Variants in SPAST observed in about 807,000 individuals in gnomAD.
SPAST encodes the protein spastic paraplegia 4 (autosomal dominant; spastin).
Under a neutral mutation model 76.6 loss-of-function variants are expected in SPAST, and 30 were observed. The observed-to-expected ratio is 0.39, with a 90% CI of 0.29 to 0.53. The LOEUF (loss-of-function observed/expected upper bound fraction) is 0.53. SPAST is among the 20% of genes least tolerant of loss of function. The probability of loss-of-function intolerance (pLI) is 0.68; values close to 1 mark genes in which losing one functional copy is unlikely to be tolerated. For synonymous variants in SPAST, 305 were observed against 281.0 expected (o/e 1.09, Z -0.86); for missense variants, 717 against 770.5 (o/e 0.93, Z 0.82).
chr2:32,110,046 A>G (rs566438127), intron 4 of SPAST, among the ~76,000 whole-genome samples: 1 of 148,342 alleles, frequency 6.7e-6, no homozygotes, highest in Non-Finnish European at 1.5e-5. Flanking sequence ...TATATAAACT[A>G]TATGTATACA....
chr2:32,145,352 C>G (rs1485024393), intron 15 of SPAST, among the ~76,000 whole-genome samples: 1 of 152,166 alleles, frequency 6.6e-6, no homozygotes. Context: ...CTGCCTTGGC[C>G]TCCCAAAGTG....
chr2:32,115,632 A>G, intron 5 of SPAST, 70 bp from the exon 6 acceptor site: 1 of 1,192,724 alleles, frequency 8.4e-7, no homozygotes, highest in Non-Finnish European at 1.2e-6. Flanking sequence ...GTGAACTTTA[A>G]GGTTAACTTA....
Position 32,079,936 on chromosome 2 carries a change from T to C in SPAST, c.416-7556T>C, listed in dbSNP as rs369727311. Among the ~76,000 whole-genome samples, 16 of 152,136 alleles carry C rather than the reference T, an allele frequency of 1.1e-4. 1 individual carries two copies. The highest frequency in any genetic ancestry group is 9.2e-4 in the Admixed American group (14 of 15,238). On this transcript the variant is annotated intron_variant, in intron 1 of 16. Transcript: ENST00000315285. ...TGTTTAAGTCCCGGCTTTCAATACT[T>C]TTGGATATATACCTAGGAGTAGAAT... is the stretch of plus-strand genomic sequence containing the variant.
At position 32,065,084 on chromosome 2, in the gene SPAST, G is replaced by C. The variant is rs572136919; in HGVS notation, c.415+838G>C. 1.1e-4 allele frequency among the ~76,000 whole-genome samples: 17 copies of C among 151,570 alleles called. No individual in the cohort carries two copies. In the South Asian group the frequency reaches 3.5e-3, roughly 32 times the overall value. On this transcript the variant is annotated intron_variant, in intron 1 of 16. Coordinates refer to ENST00000315285, the MANE Select transcript of SPAST (RefSeq NM_014946.4). ...GCCCAAGCTGGAGTGCAATGGTGCAGTCTCGGCTCACTGCAACCTCCGACT... is the reference window on the plus strand; with the variant it reads ...GCCCAAGCTGGAGTGCAATGGTGCACTCTCGGCTCACTGCAACCTCCGACT...
chr2:32,121,730 G>C (rs936786359), intron 7 of SPAST, among the ~76,000 whole-genome samples: 3 of 151,452 alleles, frequency 2.0e-5, no homozygotes, highest in African/African-American at 7.3e-5. Flanking sequence ...TTTTAGTAGA[G>C]ACGGAGTTTC....
chr2:32,137,648 G>C (rs1336752434), intron 12 of SPAST, among the ~76,000 whole-genome samples: 1 of 152,172 alleles, frequency 6.6e-6, no homozygotes, highest in Non-Finnish European at 1.5e-5. Flanking sequence ...ATTGTTTCTA[G>C]ATTGGCTGTA....
intron 8 of SPAST, chr2:32,128,122 G>T (rs1227666784): frequency 5.5e-6 from 2 of 364,224 alleles, no homozygotes; most frequent in Admixed American, 4.2e-5. Flanking sequence ...AGCTTCCTGA[G>T]TAGCTGGGAT....
intron 3 of SPAST, 115 bp downstream of exon 3, chr2:32,089,720 C>A: frequency 2.9e-6 from 2 of 692,452 alleles, no homozygotes; most frequent in Non-Finnish European, 2.6e-6. Flanking sequence ...GGCTTTTTAA[C>A]ATAAAGAAAA....
At chr2:32,151,978 T>G (rs763247458) in intron 16 of SPAST, among the ~76,000 whole-genome samples, 20 of 152,084 alleles carry the variant, frequency 1.3e-4, no homozygotes, top group Admixed American at 3.3e-4. Flanking sequence ...TTCAAATAAT[T>G]GGTTTGGAAT....
chr2:32,141,436 C>CTT (rs1415026997), intron 12 of SPAST, among the ~76,000 whole-genome samples: 12 of 152,236 alleles, frequency 7.9e-5, no homozygotes, highest in African/African-American at 2.9e-4. Flanking sequence ...AAACTGTACT[C>CTT]TGACAGTCAT....
chr2:32,147,353 T>TTG (rs1334476974), intron 16 of SPAST, 95 bp downstream of exon 16: 4 of 709,154 alleles, frequency 5.6e-6, no homozygotes, highest in East Asian at 2.8e-5. Flanking sequence ...TGGTTTTTTT[T>TTG]TTTTTTTTTT....
chr2:32,089,627 G>T lies in SPAST; in HGVS notation c.586+22G>T, dbSNP rs1425930132. Reference sequence around the variant, plus strand: ...CTAGGTATCAATTAATGTATAATTTGATGTGGGATGTATTGGAAATGTGTG... The same window carrying T: ...CTAGGTATCAATTAATGTATAATTTTATGTGGGATGTATTGGAAATGTGTG... On this transcript the variant is annotated intron_variant, in intron 3 of 16. Transcript: ENST00000315285. 2.6e-6 allele frequency: 3 copies of T among 1,175,232 alleles called. No individual in the cohort carries two copies. In the East Asian group the frequency reaches 7.0e-5, roughly 27 times the overall value. The allele number at this position is 1,175,232 out of a possible 1,614,324, so 72.8% of individuals were successfully genotyped here.
intron 16 of SPAST, 87 bp downstream of exon 16, chr2:32,147,345 G>GTTTTTGTTTTTTTTT (rs1679923335): frequency 6.7e-6 from 1 of 148,268 alleles, no homozygotes; most frequent in African/African-American, 5.8e-5. Flanking sequence ...TGTGTGTGTG[G>GTTTTTGTTTTTTTTT]TTTTTTTTTT....
intron 1 of SPAST, among the ~76,000 whole-genome samples, chr2:32,069,098 G>T (rs545040586): frequency 6.6e-6 from 1 of 151,728 alleles, no homozygotes; most frequent in Non-Finnish European, 1.5e-5. Flanking sequence ...CTGTAGTCCC[G>T]GGTACTTGGG....
intron 5 of SPAST, among the ~76,000 whole-genome samples, chr2:32,115,108 C>G (rs35245684): frequency 6.6e-6 from 1 of 151,866 alleles, no homozygotes; most frequent in African/African-American, 2.4e-5. Context: ...ACCACCACGT[C>G]GAGCTAATTT....
intron 1 of SPAST, among the ~76,000 whole-genome samples, chr2:32,071,589 A>G (rs1273251901): frequency 2.0e-5 from 3 of 152,214 alleles, no homozygotes; most frequent in Non-Finnish European, 4.4e-5. Context: ...TATACACTTT[A>G]GGGAGACATA....
intron 7 of SPAST, among the ~76,000 whole-genome samples, chr2:32,119,459 T>A (rs1345576906): frequency 6.6e-6 from 1 of 152,138 alleles, no homozygotes. Flanking sequence ...AAACACAGAA[T>A]CATAATTAGT....
At chr2:32,109,185 T>G (rs1678437262) in intron 4 of SPAST, among the ~76,000 whole-genome samples, 1 of 152,134 alleles carries the variant, frequency 6.6e-6, no homozygotes, top group Non-Finnish European at 1.5e-5. Flanking sequence ...TTCAGCTCAC[T>G]GCAACCTCTG....
intron 7 of SPAST, among the ~76,000 whole-genome samples, chr2:32,118,387 C>T (rs1358816030): frequency 2.0e-5 from 3 of 151,992 alleles, no homozygotes; most frequent in Non-Finnish European, 2.9e-5. Context: ...GTTAGGTTTT[C>T]GCTAATACCC....
Sources: gnomAD v4.1 joint callset for allele counts (sites outside exome capture counted in the v4.1 genomes callset) on GRCh38, gnomAD v4.1.1 for gene constraint, MANE v1.5 for transcripts, NCBI Gene and HGNC (gene_info 2026-07-23, HGNC 2026-07-21) for gene names.